Variants in GRK6 observed in about 807,000 individuals in gnomAD.
The protein encoded by GRK6 is G protein-coupled receptor kinase 6.
A neutral mutation model predicts 80.8 loss-of-function variants in GRK6; 37 were observed. The observed-to-expected ratio is 0.46, with a 90% CI of 0.35 to 0.60. The LOEUF (loss-of-function observed/expected upper bound fraction) is 0.60. GRK6 is among the 20% of genes least tolerant of loss of function. The pLI, the probability that GRK6 is intolerant of heterozygous loss-of-function variation, is 0.00. For missense variants in GRK6, 560 were observed against 784.6 expected, an observed-to-expected ratio of 0.71 and a Z score of 3.42; for synonymous variants, 295 against 320.9, an observed-to-expected ratio of 0.92 and a Z score of 0.86.
intron 7 of GRK6, 56 bp from the exon 8 acceptor site, chr5:177,433,480 G>A: frequency 6.2e-7 from 1 of 1,612,172 alleles, no homozygotes; most frequent in Non-Finnish European, 8.5e-7. Flanking sequence ...ACCACCCCCT[G>A]GATGCCCAGC....
At chr5:177,426,365 C>G (rs1037343834), upstream of GRK6, 4 of 152,240 alleles carry the variant, frequency 2.6e-5, no homozygotes, top group African/African-American at 9.6e-5. Context: ...TGGGCGTGCC[C>G]CAGAGTACCC....
At chr5:177,432,865 G>A in intron 5 of GRK6, 59 bp downstream of exon 5, 9 of 1,352,058 alleles carry the variant, frequency 6.7e-6, no homozygotes, top group Non-Finnish European at 9.4e-6. Context: ...GCTTCTGGGG[G>A]CCAGGAAGAC....
chr5:177,430,790 A>T, intron 1 of GRK6, 82 bp from the exon 2 acceptor site: 1 of 1,226,170 alleles, frequency 8.2e-7, no homozygotes, highest in Non-Finnish European at 1.2e-6. Context: ...GCTGGGCCCT[A>T]GAGGCCGTGG....
chr5:177,441,152 C>T, intron 15 of GRK6, 99 bp downstream of exon 15: 1 of 1,521,604 alleles, frequency 6.6e-7, no homozygotes, highest in East Asian at 2.4e-5. Context: ...GAGTGGGCGT[C>T]CTCCAGTCCT....
In GRK6 at chr5:177,434,834, G is replaced by A. The variant is rs191491152; in HGVS notation, c.930-68G>A. On this transcript the variant is annotated intron_variant, in intron 9 of 15. Coordinates refer to ENST00000355472, the MANE Select transcript of GRK6 (RefSeq NM_001004106.3). The stretch of plus-strand genomic sequence containing the variant: ...TGGCCCCCGGAGGCGAGTGAGCTGG[G>A]GGGGCTGGCCCCTTCTGACTCCCTG... The A allele has an allele frequency of 8.8e-6, 14 of 1,583,324 alleles. No individual in the cohort carries two copies. In the African/African-American group the frequency reaches 1.9e-4, roughly 21 times the overall value.
At chr5:177,426,298 A>C (rs1428820267), upstream of GRK6, among the ~76,000 whole-genome samples, 1 of 152,222 alleles carries the variant, frequency 6.6e-6, no homozygotes, top group African/African-American at 2.4e-5. Context: ...GACCCAATCA[A>C]AATGCAGTAC....
In GRK6 at chr5:177,442,488, G is replaced by C. The variant is rs1393343599; in HGVS notation, c.*698G>C. The C allele has an allele frequency of 1.3e-5, 2 of 153,142 alleles. No homozygotes were observed. The highest frequency in any genetic ancestry group is 1.9e-4 in the East Asian group (1 of 5,192). The allele number at this position is 153,142 out of a possible 1,614,324, so 9.5% of individuals were successfully genotyped here. A position where few individuals can be genotyped will look rare whatever the true frequency, so the allele number is the denominator to read the frequency against. On this transcript the variant is annotated 3_prime_UTR_variant, in exon 16 of 16. Coordinates refer to ENST00000355472, the MANE Select transcript of GRK6 (RefSeq NM_001004106.3). ...TTCCAGCTCCCACAGCCTGGTCCCTGATACTGGGCTCTGTCCTGCAGACAC... is the reference window on the plus strand; with the variant it reads ...TTCCAGCTCCCACAGCCTGGTCCCTCATACTGGGCTCTGTCCTGCAGACAC...
chr5:177,426,367 A>G (rs1200700280), upstream of GRK6: 1 of 152,260 alleles, frequency 6.6e-6, no homozygotes, highest in Non-Finnish European at 1.5e-5. Context: ...GGCGTGCCCC[A>G]GAGTACCCAC....
chr5:177,433,183 C>T lies in GRK6; in HGVS notation c.477C>T (p.Ala159=), dbSNP rs966335076. 8.1e-6 allele frequency: 13 copies of T among 1,614,126 alleles called. No individual in the cohort carries two copies. Among genetic ancestry groups the T allele is most frequent in the Middle Eastern group, 3.3e-4 (2 of 6,046 alleles). The change falls in exon 6 of 16, where the codon GCC becomes GCT. Residue 159 remains alanine, a synonymous_variant. Coordinates refer to ENST00000355472, the MANE Select transcript of GRK6 (RefSeq NM_001004106.3). ...AGTACCTGAGCGTGGCCCCTTTTGC[C>T]GACTACCTCGACAGCATCTACTTCA... ...THEYLSVAPF[A]DYLDSIYFNR...
rs1251814932 is a variant in GRK6, at chr5:177,441,062, C to T, written c.1677+9C>T. ...GACTCTTCAGTCGCCAAGTAAGCCC[C>T]AGCAGCGGCCTACCTGGGCCCCTAA... On this transcript the variant is annotated intron_variant, in intron 15 of 15. Transcript: ENST00000355472. 1.2e-6 allele frequency: 2 copies of T among 1,613,066 alleles called. No individual in the cohort carries two copies.
intron 13 of GRK6, chr5:177,438,968 A>G (rs1040985756): frequency 9.9e-5 from 15 of 152,216 alleles, no homozygotes; most frequent in African/African-American, 3.6e-4. Context: ...TGTCAGAGGC[A>G]CTTACTTGAA....
intron 13 of GRK6, among the ~76,000 whole-genome samples, chr5:177,437,353 C>T (rs1282974239): frequency 1.3e-5 from 2 of 152,134 alleles, no homozygotes; most frequent in Admixed American, 1.3e-4. Flanking sequence ...ACTGGCCACA[C>T]CCAGATCATA....
At position 177,432,106 on chromosome 5, in the gene GRK6, T is replaced by C; in HGVS notation, c.260T>C (p.Val87Ala). Residue 87 changes from valine (V) to alanine (A), a missense_variant and splice_region_variant, in exon 3 of 16, where the codon GTG becomes GCG. Transcript: ENST00000355472. ...LSRCVAFLDG[V>A]AEYEVTPDDK... ...CGCTGCGTCGCCTTCCTGGATGGGG[T>C]GGTGAGTGCAGCCCAGCCCTGCCCA... 6.2e-7 allele frequency: 1 copy of C among 1,610,118 alleles called. No individual in the cohort carries two copies. Among genetic ancestry groups the C allele is most frequent in the Non-Finnish European group, 8.5e-7 (1 of 1,178,062 alleles).
intron 9 of GRK6, among the ~76,000 whole-genome samples, chr5:177,434,369 C>T (rs113183681): frequency 2.0e-5 from 3 of 152,320 alleles, no homozygotes; most frequent in African/African-American, 7.2e-5. Context: ...GAGCTCCCTG[C>T]TCCCAACACT....
rs1431311956 is a variant in GRK6 at position 177,433,910 on chromosome 5, A to G, written c.739-4A>G. 2 of 1,559,260 alleles carry G rather than the reference A, an allele frequency of 1.3e-6. No individual in the cohort carries two copies. The highest frequency in any genetic ancestry group is 1.9e-5 in the Admixed American group (1 of 53,492). ...CCTGAGGGCTCGGGTCCCCTCGGCC[A>G]CAGGTGAGCTTGGCCTACGCCTATG... On this transcript the variant is annotated splice_region_variant and splice_polypyrimidine_tract_variant and intron_variant, in intron 8 of 15. Transcript: ENST00000355472.
Position 177,436,456 on chromosome 5 carries a change from G to A in GRK6, c.1330G>A (p.Glu444Lys), listed in dbSNP as rs1228567024. Residue 444 changes from glutamate (E) to lysine (K), a missense_variant, in exon 13 of 16, where the codon GAG becomes AAG. By Grantham distance (56) the Glu-to-Lys change is moderately conservative. This residue lies in a region of GRK6 where 294 missense variants were observed against 397.4 expected (regional missense o/e 0.74). Transcript: ENST00000355472. Reference protein sequence around the residue: ...CRGGSAREVKEHPLFKKLNFK... With the variant: ...CRGGSAREVKKHPLFKKLNFK... ...TGGGGGCAGTGCCCGCGAGGTGAAG[G>A]AGCACCCCCTCTTTAAGAAGCTGAA... 1.9e-6 allele frequency: 3 copies of A among 1,612,792 alleles called. No homozygotes were observed. Among genetic ancestry groups the A allele is most frequent in the South Asian group, 1.1e-5 (1 of 91,008 alleles).
At chr5:177,425,810 G>C (rs1469228895), upstream of GRK6, among the ~76,000 whole-genome samples, 1 of 152,276 alleles carries the variant, frequency 6.6e-6, no homozygotes, top group Non-Finnish European at 1.5e-5. Context: ...GGGGTGTTAA[G>C]CTACAAGGTG....
intron 1 of GRK6, among the ~76,000 whole-genome samples, chr5:177,430,142 A>G (rs918295974): frequency 6.6e-6 from 1 of 152,176 alleles, no homozygotes; most frequent in African/African-American, 2.4e-5. Context: ...CCTAGCAGCA[A>G]TCAAGCAATC....
intron 13 of GRK6, among the ~76,000 whole-genome samples, chr5:177,437,146 G>A (rs1056784002): frequency 2.0e-5 from 3 of 152,058 alleles, no homozygotes; most frequent in Non-Finnish European, 4.4e-5. Flanking sequence ...GTAGAGATGA[G>A]GTTTCACCAT....
Sources: gnomAD v4.1 joint callset for allele counts (sites outside exome capture counted in the v4.1 genomes callset) on GRCh38, gnomAD v4.1.1 for gene constraint, gnomAD v4.1.1 regional missense constraint, MANE v1.5 for transcripts, NCBI Gene and HGNC (gene_info 2026-07-23, HGNC 2026-07-21) for gene names.